SUMF1: variants seen among roughly 807,000 people sequenced by gnomAD.
The protein encoded by SUMF1 is sulfatase modifying factor 1, also known as formylglycine-generating enzyme.
Under a neutral mutation model 47.6 loss-of-function variants are expected in SUMF1, and 48 were observed. The ratio of observed to expected loss-of-function variants is 1.01; its 90% confidence interval spans 0.80 to 1.28. SUMF1 has a LOEUF of 1.28. Among genes scored for constraint, SUMF1 ranks in the 50% most tolerant of loss-of-function variants. The probability of loss-of-function intolerance (pLI) is 0.00; values close to 1 mark genes in which losing one functional copy is unlikely to be tolerated. For missense variants in SUMF1, 571 were observed against 485.4 expected (o/e 1.18, Z -1.66); for synonymous variants, 230 against 192.1 (o/e 1.20, Z -1.63).
intron 1 of SUMF1, among the ~76,000 whole-genome samples, chr3:4,462,010 T>A (rs1436259668): frequency 6.6e-6 from 1 of 152,238 alleles, no homozygotes; most frequent in Non-Finnish European, 1.5e-5. Context: ...AGAATGACTC[T>A]ATTATTCATT....
intron 8 of SUMF1, among the ~76,000 whole-genome samples, chr3:4,120,177 A>T (rs917621184): frequency 1.3e-5 from 2 of 152,012 alleles, no homozygotes; most frequent in African/African-American, 4.8e-5. Context: ...ATTATAATTT[A>T]TTTATGTCTC....
intron 8 of SUMF1, among the ~76,000 whole-genome samples, chr3:4,121,549 T>C (rs957830216): frequency 1.3e-5 from 2 of 152,134 alleles, no homozygotes; most frequent in African/African-American, 4.8e-5. Flanking sequence ...CCATTGAGGC[T>C]CCTTGTAGCC....
intron 6 of SUMF1, among the ~76,000 whole-genome samples, chr3:4,411,951 A>T (rs1701557044): frequency 1.3e-5 from 2 of 152,282 alleles, no homozygotes; most frequent in Non-Finnish European, 2.9e-5. Context: ...AATAAACTAA[A>T]ATTCATTCCC....
intron 7 of SUMF1, among the ~76,000 whole-genome samples, chr3:4,380,827 C>T (rs369694851): frequency 2.8e-4 from 42 of 152,232 alleles, no homozygotes; most frequent in African/African-American, 9.4e-4. Context: ...CTAAAGTTCT[C>T]GGGAAAAGTG....
intron 7 of SUMF1, among the ~76,000 whole-genome samples, chr3:4,402,886 A>T (rs1701259911): frequency 6.7e-6 from 1 of 149,320 alleles, no homozygotes; most frequent in Non-Finnish European, 1.5e-5. Context: ...CTGTGTAACA[A>T]CATTTGGGGA....
intron 8 of SUMF1, among the ~76,000 whole-genome samples, chr3:4,198,754 AC>A (rs1383839484): frequency 2.6e-5 from 4 of 151,908 alleles, no homozygotes; most frequent in Non-Finnish European, 5.9e-5. Flanking sequence ...GCTGAGTCTC[AC>A]CCTTCGCTGG....
At chr3:4,313,184 A>G in intron 8 of SUMF1, 3 of 1,614,074 alleles carry the variant, frequency 1.9e-6, no homozygotes, top group Non-Finnish European at 2.5e-6. Context: ...AAGACGCATA[A>G]AAAAGGCTGG....
chr3:4,039,209 A>ATTTTTTTTTTTTTTTT (rs775459424), intron 9 of SUMF1, among the ~76,000 whole-genome samples: 1 of 39,472 alleles, frequency 2.5e-5, no homozygotes, highest in African/African-American at 7.5e-5. Flanking sequence ...ATCTATGCAA[A>ATTTTTTTTTTTTTTTT]TTTTTTTTTT....
At chr3:4,404,087 C>G (rs1701299866) in intron 7 of SUMF1, among the ~76,000 whole-genome samples, 1 of 152,198 alleles carries the variant, frequency 6.6e-6, no homozygotes, top group Non-Finnish European at 1.5e-5. Flanking sequence ...TGAAATGTGT[C>G]TGCAGGATCT....
At chr3:4,449,431 C>T (rs1469367337) in intron 2 of SUMF1, 91 bp from the exon 3 acceptor site, 3 of 1,281,012 alleles carry the variant, frequency 2.3e-6, no homozygotes, top group East Asian at 2.3e-5. Context: ...TAAAGTGATT[C>T]CTCTTGTCCA....
At position 4,165,862 on chromosome 3, in the gene SUMF1, TCC is replaced by T. The variant is rs3048242; in HGVS notation, c.1015-97119_1015-97118del. ...TGCCCGTGGTTTTGATTTGTTTGTT[TCC>T]CCCCCCCCCCCGAGCAAGAACCTGC... On this transcript the variant is annotated intron_variant and NMD_transcript_variant, in intron 8 of 12. Transcript: ENST00000448413. 6.0e-3 allele frequency among the ~76,000 whole-genome samples: 835 copies of T among 139,254 alleles called. 19 individuals carry two copies. Among genetic ancestry groups the T allele is most frequent in the African/African-American group, 0.014 (514 of 36,826 alleles). The allele number at this position is 139,254 out of a possible 152,430, so 91.4% of individuals were successfully genotyped here.
chr3:4,089,119 T>A (rs574276982), intron 8 of SUMF1, among the ~76,000 whole-genome samples: 51 of 152,230 alleles, frequency 3.4e-4, no homozygotes, highest in Non-Finnish European at 6.3e-4. Flanking sequence ...AAGTGCAGAT[T>A]ATGTATAATT....
intron 7 of SUMF1, among the ~76,000 whole-genome samples, chr3:4,396,956 A>G (rs1225867047): frequency 6.6e-6 from 1 of 152,266 alleles, no homozygotes; most frequent in East Asian, 1.9e-4. Context: ...AGAAGAAGCA[A>G]CTATTAAGAG....
chr3:4,124,073 G>T (rs1210224793), intron 8 of SUMF1, among the ~76,000 whole-genome samples: 1 of 152,092 alleles, frequency 6.6e-6, no homozygotes, highest in Non-Finnish European at 1.5e-5. Flanking sequence ...AAAACAAGAG[G>T]TTGTGAATAA....
At chr3:4,401,513 C>G (rs1701211455) in intron 7 of SUMF1, among the ~76,000 whole-genome samples, 1 of 152,128 alleles carries the variant, frequency 6.6e-6, no homozygotes, top group Non-Finnish European at 1.5e-5. Flanking sequence ...AAGCAGCAGA[C>G]CCAAGGGCAG....
At chr3:4,287,910 A>G (rs368242290) in intron 8 of SUMF1, among the ~76,000 whole-genome samples, 19 of 152,226 alleles carry the variant, frequency 1.2e-4, no homozygotes, top group East Asian at 5.8e-4. Context: ...ATATTTTGTA[A>G]GCTTTCTGAT....
chr3:4,145,388 G>A (rs1694170662), intron 8 of SUMF1, among the ~76,000 whole-genome samples: 1 of 151,954 alleles, frequency 6.6e-6, no homozygotes, highest in African/African-American at 2.4e-5. Flanking sequence ...TATGAACTCA[G>A]AGACCCCATT....
chr3:4,178,043 T>C (rs1044439387), intron 8 of SUMF1, among the ~76,000 whole-genome samples: 1 of 152,028 alleles, frequency 6.6e-6, no homozygotes, highest in Non-Finnish European at 1.5e-5. Flanking sequence ...ATTGAGGGAA[T>C]AGTTAAGAGC....
intron 8 of SUMF1, among the ~76,000 whole-genome samples, chr3:4,342,025 G>A (rs1699282741): frequency 6.6e-6 from 1 of 152,136 alleles, no homozygotes. Context: ...GGACATGAAA[G>A]TTCTAAAGCT....
Sources: allele counts gnomAD v4.1 joint callset (sites outside exome capture counted in the v4.1 genomes callset), GRCh38; gene constraint gnomAD v4.1.1; transcripts MANE v1.5; gene names NCBI Gene and HGNC (gene_info 2026-07-23, HGNC 2026-07-21).